Variants in ABCD3 observed in about 807,000 individuals in gnomAD.
ABCD3 encodes the protein ATP binding cassette subfamily D member 3, also known as ATP-binding cassette sub-family D member 3.
A neutral mutation model predicts 105.5 loss-of-function variants in ABCD3; 41 were observed. The ratio of observed to expected loss-of-function variants is 0.39; its 90% CI spans 0.30 to 0.50. The LOEUF (loss-of-function observed/expected upper bound fraction) is 0.50. ABCD3 is among the 20% of genes least tolerant of loss of function. The pLI, the probability that ABCD3 is intolerant of heterozygous loss-of-function variation, is 0.84. For synonymous variants in ABCD3, 258 were observed against 269.0 expected, an observed-to-expected ratio of 0.96 and a Z score of 0.40; for missense variants, 622 against 806.3, an observed-to-expected ratio of 0.77 and a Z score of 2.77.
At chr1:94,393,554 G>A in the ABCD3 span, among the ~76,000 whole-genome samples, 2 of 151,956 alleles carry the variant, frequency 1.3e-5, no homozygotes, top group African/African-American at 2.4e-5. Flanking sequence ...CAGGAGAATC[G>A]CTTGAACCTG....
intron 1 of ABCD3, among the ~76,000 whole-genome samples, chr1:94,449,302 G>A (rs969320215): frequency 6.6e-6 from 1 of 152,096 alleles, no homozygotes; most frequent in African/African-American, 2.4e-5. Context: ...CACCTACTTG[G>A]GGACAGATCA....
the ABCD3 span, among the ~76,000 whole-genome samples, chr1:94,390,731 C>G: frequency 6.6e-6 from 1 of 152,196 alleles, no homozygotes; most frequent in African/African-American, 2.4e-5. Flanking sequence ...CATGATGGCT[C>G]TTACTCTGTA....
chr1:94,484,320 A>G (rs189964080), intron 10 of ABCD3, among the ~76,000 whole-genome samples: 21 of 152,374 alleles, frequency 1.4e-4, no homozygotes, highest in Non-Finnish European at 2.1e-4. Flanking sequence ...TCATGCTGCT[A>G]TAAAGACACA....
chr1:94,410,244 C>T, the ABCD3 span, among the ~76,000 whole-genome samples: 1 of 152,114 alleles, frequency 6.6e-6, no homozygotes, highest in Admixed American at 6.5e-5. Context: ...TATAGATTCC[C>T]ATAGTACTTT....
chr1:94,420,605 T>G (rs528944454), intron 1 of ABCD3, among the ~76,000 whole-genome samples: 9 of 152,310 alleles, frequency 5.9e-5, no homozygotes, highest in Admixed American at 1.3e-4. Context: ...TCTGAGCAGA[T>G]AATCATGAAG....
At chr1:94,388,745 C>T in the ABCD3 span, among the ~76,000 whole-genome samples, 29 of 152,146 alleles carry the variant, frequency 1.9e-4, no homozygotes, top group African/African-American at 5.1e-4. Context: ...GTCCTCCAAA[C>T]GCCAGAGTCT....
In ABCD3 at chr1:94,460,339, G is replaced by A. The variant is rs182248064; in HGVS notation, c.147+1696G>A. On this transcript the variant is annotated intron_variant, in intron 2 of 22. Transcript: ENST00000370214. The stretch of plus-strand genomic sequence containing the variant: ...CCTTTCTTTCACAGAACTGCTGATA[G>A]TATTGACTATGTAAGGACCAAGGAG... Among the ~76,000 whole-genome samples, 7 of 152,194 alleles carry A rather than the reference G, an allele frequency of 4.6e-5. No homozygotes were observed. The East Asian group carries it at 1.3e-3, about 29-fold the overall frequency.
At position 94,478,761 on chromosome 1, in the gene ABCD3, A is replaced by G. The variant is rs960449478; in HGVS notation, c.684+446A>G. ...TATTGTTTCAAAGTAATGTCTAAAA[A>G]GAGATATGGAGACATCCATTTTAAT... On this transcript the variant is annotated intron_variant, in intron 8 of 22. Transcript: ENST00000370214. 6 of 769,110 alleles carry G rather than the reference A, an allele frequency of 7.8e-6. No individual in the cohort carries two copies. The Admixed American group carries it at 2.4e-4, about 31-fold the overall frequency. 47.6% of individuals were successfully genotyped at this position (769,110 alleles called of 1,614,324 possible). A position where few individuals can be genotyped will look rare whatever the true frequency, so the allele number is the denominator to read the frequency against.
chr1:94,491,904 G>A (rs1649551704), intron 16 of ABCD3, among the ~76,000 whole-genome samples: 1 of 152,108 alleles, frequency 6.6e-6, no homozygotes, highest in Non-Finnish European at 1.5e-5. Context: ...TTCAGATCCA[G>A]AAATCTTCAT....
chr1:94,428,862 C>G (rs1185191948), intron 1 of ABCD3, among the ~76,000 whole-genome samples: 1 of 151,990 alleles, frequency 6.6e-6, no homozygotes, highest in South Asian at 2.1e-4. Context: ...GGGCATTGCT[C>G]AAAAGATACC....
chr1:94,497,097 C>T (rs1649860843), intron 16 of ABCD3, among the ~76,000 whole-genome samples: 1 of 152,066 alleles, frequency 6.6e-6, no homozygotes, highest in East Asian at 1.9e-4. Flanking sequence ...ATAAAGTCTG[C>T]TCTGACCACC....
At chr1:94,420,569 G>A (rs1204777652) in intron 1 of ABCD3, among the ~76,000 whole-genome samples, 1 of 152,152 alleles carries the variant, frequency 6.6e-6, no homozygotes, top group Non-Finnish European at 1.5e-5. Context: ...ATTTTACACA[G>A]TATTTTGTTG....
At chr1:94,499,797 T>C (rs1650004816) in intron 20 of ABCD3, among the ~76,000 whole-genome samples, 183 bp downstream of exon 20, 1 of 152,126 alleles carries the variant, frequency 6.6e-6, no homozygotes. Context: ...TTCTGAAAAA[T>C]TCATAAATAC....
the ABCD3 span, among the ~76,000 whole-genome samples, chr1:94,401,039 CTT>C: frequency 3.3e-5 from 5 of 152,212 alleles, no homozygotes; most frequent in African/African-American, 1.2e-4. Flanking sequence ...TCTTGGGACT[CTT>C]CAGATTCCCC....
chr1:94,442,393 T>C (rs1227704095), intron 1 of ABCD3, among the ~76,000 whole-genome samples: 1 of 152,214 alleles, frequency 6.6e-6, no homozygotes, highest in Non-Finnish European at 1.5e-5. Flanking sequence ...GTGAATCTTA[T>C]AAACAAGTTA....
upstream of ABCD3, among the ~76,000 whole-genome samples, chr1:94,415,599 T>C (rs900270963): frequency 6.6e-6 from 1 of 152,238 alleles, no homozygotes; most frequent in Non-Finnish European, 1.5e-5. Flanking sequence ...ATTTGAACTC[T>C]TTGAGTCACT....
chr1:94,512,952 A>G (rs957982280), intron 21 of ABCD3, among the ~76,000 whole-genome samples: 1 of 152,116 alleles, frequency 6.6e-6, no homozygotes, highest in African/African-American at 2.4e-5. Context: ...AAGTGTGTTC[A>G]TGATCAGCAG....
intron 15 of ABCD3, among the ~76,000 whole-genome samples, chr1:94,490,357 C>G (rs1649473961): frequency 6.6e-6 from 1 of 151,996 alleles, no homozygotes; most frequent in Non-Finnish European, 1.5e-5. Flanking sequence ...TCTGGCATCA[C>G]TGAAATGTTG....
the ABCD3 span, among the ~76,000 whole-genome samples, chr1:94,390,050 G>T: frequency 2.6e-5 from 4 of 152,054 alleles, no homozygotes; most frequent in South Asian, 2.1e-4. Context: ...GAACTCCTTT[G>T]GTCCTTACTG....
Sources: gnomAD v4.1 joint callset for allele counts (sites outside exome capture counted in the v4.1 genomes callset) on GRCh38, gnomAD v4.1.1 for gene constraint, MANE v1.5 for transcripts, NCBI Gene and HGNC (gene_info 2026-07-23, HGNC 2026-07-21) for gene names.